The following ANKS1B variants were observed in gnomAD, a reference collection of about 807,000 sequenced individuals.
The protein encoded by ANKS1B is ankyrin repeat and sterile alpha motif domain-containing protein 1B.
ANKS1B carries 36 observed loss-of-function variants against 148.3 expected under a neutral mutation model. The ratio of observed to expected loss-of-function variants is 0.24; its 90% CI spans 0.19 to 0.32. The LOEUF is 0.32. ANKS1B is among the 10% of genes least tolerant of loss of function. ANKS1B has a pLI of 1.00. For missense variants in ANKS1B, 1,157 were observed against 1,542.6 expected (o/e 0.75, Z 4.19); for synonymous variants, 542 against 560.8 (o/e 0.97, Z 0.47).
At chr12:99,422,353 C>T (rs2095114554) in intron 11 of ANKS1B, among the ~76,000 whole-genome samples, 1 of 152,134 alleles carries the variant, frequency 6.6e-6, no homozygotes, top group African/African-American at 2.4e-5. Flanking sequence ...CCCTCAAGCA[C>T]CTCATATTTT....
At chr12:99,042,621 T>C (rs181227121) in intron 17 of ANKS1B, among the ~76,000 whole-genome samples, 12 of 152,330 alleles carry the variant, frequency 7.9e-5, no homozygotes, top group African/African-American at 2.9e-4. Flanking sequence ...CCATAAATCT[T>C]AGGAACTTGG....
chr12:98,844,810 A>T (rs2099438594), intron 17 of ANKS1B, among the ~76,000 whole-genome samples: 1 of 152,234 alleles, frequency 6.6e-6, no homozygotes. Flanking sequence ...TGGCATCAAA[A>T]TAGACATAAG....
chr12:99,440,565 A>G (rs999020568), intron 11 of ANKS1B, among the ~76,000 whole-genome samples: 1 of 151,850 alleles, frequency 6.6e-6, no homozygotes, highest in African/African-American at 2.4e-5. Flanking sequence ...GAGGATTTTA[A>G]GACGTGAAAT....
intron 12 of ANKS1B, among the ~76,000 whole-genome samples, chr12:99,360,318 C>G (rs2092366745): frequency 6.6e-6 from 1 of 152,064 alleles, no homozygotes; most frequent in African/African-American, 2.4e-5. Context: ...GTCCTTACTA[C>G]CTCTAAAATG....
intron 15 of ANKS1B, among the ~76,000 whole-genome samples, chr12:99,141,633 T>C (rs992004166): frequency 1.3e-5 from 2 of 149,182 alleles, no homozygotes; most frequent in Admixed American, 6.7e-5. Flanking sequence ...CATGTGTCCA[T>C]GTGTTCTCAT....
chr12:99,850,710 G>A (rs1190835498), intron 1 of ANKS1B, among the ~76,000 whole-genome samples: 2 of 152,012 alleles, frequency 1.3e-5, no homozygotes, highest in African/African-American at 4.8e-5. Flanking sequence ...AAATTTGCTT[G>A]ATTGCTCTTT....
At chr12:98,821,978 C>G (rs1397528714) in intron 19 of ANKS1B, among the ~76,000 whole-genome samples, 1 of 145,592 alleles carries the variant, frequency 6.9e-6, no homozygotes, top group Non-Finnish European at 1.5e-5. Context: ...TCAAGTTAAA[C>G]AGCAATTTGG....
At chr12:99,303,926 G>A (rs562101306) in intron 12 of ANKS1B, among the ~76,000 whole-genome samples, 4 of 152,130 alleles carry the variant, frequency 2.6e-5, no homozygotes, top group East Asian at 1.9e-4. Context: ...AATGGTCTCC[G>A]ACTCCATCTA....
chr12:99,429,810 A>G (rs180938518), intron 11 of ANKS1B, among the ~76,000 whole-genome samples: 2,366 of 152,054 alleles, frequency 0.016, 37 homozygotes, highest in Non-Finnish European at 0.025. Flanking sequence ...AAAAAATACA[A>G]AAAATTAGCC....
intron 8 of ANKS1B, among the ~76,000 whole-genome samples, chr12:99,737,835 G>T (rs2059756797): frequency 6.6e-6 from 1 of 151,842 alleles, no homozygotes; most frequent in African/African-American, 2.4e-5. Flanking sequence ...AATTGCCCTG[G>T]GCAATCTTGT....
At chr12:99,838,753 A>G (rs1670501148) in intron 1 of ANKS1B, among the ~76,000 whole-genome samples, 1 of 151,978 alleles carries the variant, frequency 6.6e-6, no homozygotes, top group African/African-American at 2.4e-5. Context: ...TCTTTTTTTG[A>G]TGAAATTTTT....
chr12:99,108,890 T>C (rs897551034), intron 15 of ANKS1B, among the ~76,000 whole-genome samples: 4 of 151,964 alleles, frequency 2.6e-5, no homozygotes, highest in East Asian at 3.9e-4. Flanking sequence ...TCGAGAGACA[T>C]GGAATGGACA....
chr12:99,294,091 G>A (rs188271724), intron 12 of ANKS1B, among the ~76,000 whole-genome samples: 1 of 152,262 alleles, frequency 6.6e-6, no homozygotes, highest in East Asian at 1.9e-4. Flanking sequence ...ATGCAAATTT[G>A]TACAGGACTA....
intron 8 of ANKS1B, among the ~76,000 whole-genome samples, chr12:99,695,739 G>A (rs1393586889): frequency 6.6e-6 from 1 of 152,130 alleles, no homozygotes; most frequent in Non-Finnish European, 1.5e-5. Context: ...GGGGAGGGTT[G>A]GGGGAGACAG....
In ANKS1B at chr12:98,878,374, AAAAC is replaced by A. The variant is rs3051082; in HGVS notation, c.2779-46242_2779-46239del. Among the ~76,000 whole-genome samples the A allele has an allele frequency of 4.8e-4, 72 of 150,416 alleles. 1 individual carries two copies. Among genetic ancestry groups the A allele is most frequent in the South Asian group, 1.7e-3 (8 of 4,732 alleles). On this transcript the variant is annotated intron_variant, in intron 17 of 26. Transcript: ENST00000683438. Reference sequence around the variant, plus strand: ...GGGTGACAGAATGAGACCCTGTCTCAAAACAAACAAACAAACAAACAAACAAACA... The same window carrying A: ...GGGTGACAGAATGAGACCCTGTCTCAAAACAAACAAACAAACAAACAAACA...
intron 8 of ANKS1B, among the ~76,000 whole-genome samples, chr12:99,666,857 GGT>G (rs3083633): frequency 0.17 from 22,866 of 132,322 alleles, 2,264 homozygotes; most frequent in East Asian, 0.45. Context: ...GTTACTATGG[GGT>G]GTGTGTGTGT....
intron 1 of ANKS1B, among the ~76,000 whole-genome samples, chr12:99,909,224 G>GTGTC (rs2093910115): frequency 1.3e-5 from 1 of 74,242 alleles, no homozygotes. Flanking sequence ...CATCGTGTGT[G>GTGTC]TGTGTGTGTG....
At chr12:98,759,839 G>C (rs548669772) in intron 25 of ANKS1B, among the ~76,000 whole-genome samples, 3 of 152,232 alleles carry the variant, frequency 2.0e-5, no homozygotes, top group Non-Finnish European at 4.4e-5. Flanking sequence ...AATTAGCTGG[G>C]CGTGGTGGTG....
Position 99,106,778 on chromosome 12 carries a change from T to C in ANKS1B, c.2527-21755A>G, listed in dbSNP as rs200315586. On this transcript the variant is annotated intron_variant, in intron 15 of 26. Coordinates refer to ENST00000683438, the MANE Select transcript of ANKS1B (RefSeq NM_001352186.2). ...TTAATCATAGTTGCCTTATTGTGCT[T>C]CAAAAAAGTTGTCTTTTAGGTTGTC... 4.6e-5 allele frequency among the ~76,000 whole-genome samples: 7 copies of C among 152,350 alleles called. No individual in the cohort carries two copies. The East Asian group carries it at 1.3e-3, about 29-fold the overall frequency.
Sources: gnomAD v4.1 joint callset for allele counts (sites outside exome capture counted in the v4.1 genomes callset) on GRCh38, gnomAD v4.1.1 for gene constraint, MANE v1.5 for transcripts, NCBI Gene and HGNC (gene_info 2026-07-23, HGNC 2026-07-21) for gene names.